Variants in EIF3G observed in about 807,000 individuals in gnomAD.
EIF3G encodes the protein eukaryotic translation initiation factor 3 subunit G.
Under a neutral mutation model 41.7 loss-of-function variants are expected in EIF3G, and 10 were observed. That is an observed-to-expected ratio of 0.24 (90% CI 0.15 to 0.41). The LOEUF (loss-of-function observed/expected upper bound fraction) is 0.41. Ranked by LOEUF, EIF3G falls within the 10% of genes least tolerant of loss-of-function variation. The pLI, the probability that EIF3G is intolerant of heterozygous loss-of-function variation, is 1.00. For synonymous variants in EIF3G, 204 were observed against 172.5 expected, an observed-to-expected ratio of 1.18 and a Z score of -1.43; for missense variants, 297 against 444.0, an observed-to-expected ratio of 0.67 and a Z score of 2.98.
Position 10,117,189 on chromosome 19 carries a change from C to A in EIF3G, c.301-1G>T. The A allele has an allele frequency of 6.2e-7, 1 of 1,605,842 alleles. No individual in the cohort carries two copies. The highest frequency in any genetic ancestry group is 8.5e-7 in the Non-Finnish European group (1 of 1,175,970). ...CTGAGTTCCCGAACTTCTTCCAGTT[C>A]TGGGCTCAGGGAGGGATGGGGGACA... On this transcript the variant is annotated splice_acceptor_variant, in intron 5 of 10. Coordinates refer to ENST00000253108, the MANE Select transcript of EIF3G (RefSeq NM_003755.5). LOFTEE classifies it high-confidence loss of function.
At chr19:10,115,299 C>A (rs2089222200) in intron 10 of EIF3G, 170 bp from the exon 11 acceptor site, 4 of 1,112,588 alleles carry the variant, frequency 3.6e-6, no homozygotes, top group Non-Finnish European at 3.8e-6. Context: ...CTGGCAGGGA[C>A]CCCAGGCACA....
In EIF3G at chr19:10,116,523, C is replaced by T. The variant is rs1329179803; in HGVS notation, c.595+277G>A. The T allele has an allele frequency of 1.2e-5, 6 of 515,698 alleles. No individual in the cohort carries two copies. Among genetic ancestry groups the T allele is most frequent in the East Asian group, 6.2e-5 (2 of 32,054 alleles). The allele number at this position is 515,698 out of a possible 1,614,324, so 31.9% of individuals were successfully genotyped here. Reference sequence around the variant, plus strand: ...AGACACTATACACACAGTGCGCACACACGATGTGGGGTGGTCAGCACCCTG... The same window carrying T: ...AGACACTATACACACAGTGCGCACATACGATGTGGGGTGGTCAGCACCCTG... On this transcript the variant is annotated intron_variant, in intron 7 of 10. Transcript: ENST00000253108. The surrounding 1 kb of genome is among the most constrained non-coding windows in gnomAD (Gnocchi z 4.1).
In EIF3G at chr19:10,117,076, C is replaced by G; in HGVS notation, c.405+8G>C. On this transcript the variant is annotated splice_region_variant and intron_variant, in intron 6 of 10. Transcript: ENST00000253108. ...AGGATGCCAGCCCCACCTGATTGCCCCGCTTACCTCTTTGCTGGTGATGAA... is the reference window on the plus strand; with the variant it reads ...AGGATGCCAGCCCCACCTGATTGCCGCGCTTACCTCTTTGCTGGTGATGAA... 1 of 1,612,514 alleles carries G rather than the reference C, an allele frequency of 6.2e-7. No homozygotes were observed. Among genetic ancestry groups the G allele is most frequent in the African/African-American group, 1.3e-5 (1 of 74,984 alleles).
chr19:10,119,653 C>A lies in EIF3G; in HGVS notation c.67+1G>T. On this transcript the variant is annotated splice_donor_variant, in intron 2 of 10. Coordinates refer to ENST00000253108, the MANE Select transcript of EIF3G (RefSeq NM_003755.5). LOFTEE classifies it high-confidence loss of function. Reference sequence around the variant, plus strand: ...TACCCCGGGCGACCGTGTACACTTACCGTCCTCCCCCTCCTCCTCCACCTG... The same window carrying A: ...TACCCCGGGCGACCGTGTACACTTAACGTCCTCCCCCTCCTCCTCCACCTG... 1 of 1,571,368 alleles carries A rather than the reference C, an allele frequency of 6.4e-7. No homozygotes were observed. Among genetic ancestry groups the A allele is most frequent in the Non-Finnish European group, 8.6e-7 (1 of 1,156,848 alleles).
rs753414953 is a variant in EIF3G, at chr19:10,115,667, C to G, written c.840+17G>C. 9.3e-5 allele frequency: 49 copies of G among 529,558 alleles called. No homozygotes were observed. In the Middle Eastern group the frequency reaches 1.7e-3, roughly 18 times the overall value. 32.8% of individuals were successfully genotyped at this position (529,558 alleles called of 1,614,324 possible). A position where few individuals can be genotyped will look rare whatever the true frequency, so the allele number is the denominator to read the frequency against. ...GTGACCCTCACACAGCCCCACCGTG[C>G]CTGCCTGCCTGCCCACCTTGGATTG... On this transcript the variant is annotated intron_variant, in intron 9 of 10. Transcript: ENST00000253108.
chr19:10,115,904 G>C (rs368114638), intron 8 of EIF3G, 63 bp downstream of exon 8: 1 of 1,605,094 alleles, frequency 6.2e-7, no homozygotes, highest in Non-Finnish European at 8.5e-7. Flanking sequence ...TGCACGCTTC[G>C]GGGATAATTA....
intron 5 of EIF3G, chr19:10,117,503 C>A (rs922687982): frequency 1.0e-5 from 3 of 295,672 alleles, no homozygotes; most frequent in Non-Finnish European, 1.9e-5. Flanking sequence ...TCCACCTAGA[C>A]CTCCGGGCCC....
intron 3 of EIF3G, 33 bp from the exon 4 acceptor site, chr19:10,118,989 G>C: frequency 6.2e-7 from 1 of 1,613,956 alleles, no homozygotes; most frequent in Non-Finnish European, 8.5e-7. Context: ...GAAAGACTGA[G>C]CCCTGGGTCA....
rs888697172 is a variant in EIF3G, at chr19:10,115,998, G to T, written c.672C>A (p.Arg224=). 1 of 1,613,654 alleles carries T rather than the reference G, an allele frequency of 6.2e-7. No homozygotes were observed. The highest frequency in any genetic ancestry group is 1.3e-5 in the African/African-American group (1 of 75,068). ...VPPSLRDGAS[R]RGESMQPNRR... ...GGTTGGGCTGCATGGACTCCCCGCG[G>T]CGGCTGGCCCCGTCGCGCAGGCTCG... Residue 224 remains arginine, a synonymous_variant, in exon 8 of 11, where the codon CGC becomes CGA. Transcript: ENST00000253108.
At chr19:10,119,525 A>C in intron 2 of EIF3G, 129 bp downstream of exon 2, 1 of 1,268,420 alleles carries the variant, frequency 7.9e-7, no homozygotes, top group Non-Finnish European at 1.1e-6. Context: ...GGCGGGTCCC[A>C]AGGAGGATGG....
At position 10,116,815 on chromosome 19, in the gene EIF3G, C is replaced by T; in HGVS notation, c.580G>A (p.Glu194Lys). 1 of 1,593,336 alleles carries T rather than the reference C, an allele frequency of 6.3e-7. No individual in the cohort carries two copies. Among genetic ancestry groups the T allele is most frequent in the Non-Finnish European group, 8.6e-7 (1 of 1,167,100 alleles). ...ACCCCCACACCTCCCGGCAGCTTCT[C>T]CTTCTCGCCAGTAGACAGGCCCAGC... Reference protein sequence around the residue: ...EQLGLSTGEKEKLPGELEPVQ... With the variant: ...EQLGLSTGEKKKLPGELEPVQ... Residue 194 changes from glutamate (E) to lysine (K), a missense_variant, in exon 7 of 11, where the codon GAG becomes AAG. This residue lies in a region of EIF3G where 33 missense variants were observed against 30.3 expected (regional missense o/e 1.09). Transcript: ENST00000253108. The surrounding 1 kb of genome is among the most constrained non-coding windows in gnomAD (Gnocchi z 4.1).
In EIF3G at chr19:10,115,862, G is replaced by GC. The variant is rs904468043; in HGVS notation, c.704-43dup. 4.4e-6 allele frequency: 7 copies of GC among 1,582,970 alleles called. No homozygotes were observed. The African/African-American group carries it at 1.1e-4, about 24-fold the overall frequency. On this transcript the variant is annotated intron_variant, in intron 8 of 10. Coordinates refer to ENST00000253108, the MANE Select transcript of EIF3G (RefSeq NM_003755.5). ...AGGTGGCTGTGAGGGGGAGGACACT[G>GC]CCCAGCCCTCGTGTGCTGCCCAGCC...
At chr19:10,117,821 G>A (rs374595821) in intron 5 of EIF3G, among the ~76,000 whole-genome samples, 13 of 152,306 alleles carry the variant, frequency 8.5e-5, no homozygotes, top group South Asian at 8.3e-4. Flanking sequence ...TTTGAGAGGC[G>A]AAGGTGGGAG....
At chr19:10,115,343 AAAC>A in intron 10 of EIF3G, 133 bp downstream of exon 10, 4 of 1,206,100 alleles carry the variant, frequency 3.3e-6, no homozygotes, top group East Asian at 2.5e-5. Flanking sequence ...TTTTGGAAAA[AAAC>A]AATAAAGGAC....
chr19:10,116,732 TG>T lies in EIF3G; in HGVS notation c.595+67del, dbSNP rs1270660406. On this transcript the variant is annotated intron_variant, in intron 7 of 10. Coordinates refer to ENST00000253108, the MANE Select transcript of EIF3G (RefSeq NM_003755.5). The surrounding 1 kb of genome is among the most constrained non-coding windows in gnomAD (Gnocchi z 4.1). The stretch of plus-strand genomic sequence containing the variant: ...ACCCGCTGCACTGTCGTGCGGGAGA[TG>T]ACAGCACGAAGGCAGCAGTGGGGAC... 3 of 1,451,702 alleles carry T rather than the reference TG, an allele frequency of 2.1e-6. No individual in the cohort carries two copies. In the African/African-American group the frequency reaches 4.2e-5, roughly 20 times the overall value. The allele number at this position is 1,451,702 out of a possible 1,614,324, so 89.9% of individuals were successfully genotyped here.
In EIF3G at chr19:10,116,362, A is replaced by G; in HGVS notation, c.596-288T>C. The G allele has an allele frequency of 1.9e-6, 1 of 540,224 alleles. No homozygotes were observed. Among genetic ancestry groups the G allele is most frequent in the Non-Finnish European group, 3.3e-6 (1 of 300,956 alleles). The allele number at this position is 540,224 out of a possible 1,614,324, so 33.5% of individuals were successfully genotyped here. On this transcript the variant is annotated intron_variant, in intron 7 of 10. Coordinates refer to ENST00000253108, the MANE Select transcript of EIF3G (RefSeq NM_003755.5). This position sits in a 1 kb window ranked among gnomAD's most constrained non-coding sequence, Gnocchi z 4.1. ...AGCCTCACATGCACAGCAACGGCAG[A>G]CATGGGACACACAACAGGAACAGCG...
intron 8 of EIF3G, 33 bp from the exon 9 acceptor site, chr19:10,115,853 G>A (rs374215335): frequency 1.2e-6 from 2 of 1,607,734 alleles, no homozygotes; most frequent in East Asian, 2.2e-5. Context: ...CTGTGAGGGG[G>A]AGGACACTGC....
Position 10,116,495 on chromosome 19 carries a change from CG to C in EIF3G, c.595+304del. The C allele has an allele frequency of 2.0e-6, 1 of 494,242 alleles. No homozygotes were observed. The highest frequency in any genetic ancestry group is 3.6e-6 in the Non-Finnish European group (1 of 275,730). 30.6% of individuals were successfully genotyped at this position (494,242 alleles called of 1,614,324 possible). ...GGACGGTACAGCCACAGGCATGCAA[CG>C]GAGACACTATACACACAGTGCGCAC... On this transcript the variant is annotated intron_variant, in intron 7 of 10. Coordinates refer to ENST00000253108, the MANE Select transcript of EIF3G (RefSeq NM_003755.5). The surrounding 1 kb of genome is among the most constrained non-coding windows in gnomAD (Gnocchi z 4.1).
chr19:10,115,024 G>A lies in EIF3G; in HGVS notation c.*90C>T, dbSNP rs938476079. On this transcript the variant is annotated 3_prime_UTR_variant, in exon 11 of 11. Coordinates refer to ENST00000253108, the MANE Select transcript of EIF3G (RefSeq NM_003755.5). ...ACAAAAAGAACCAAGTAGAGAGAGT[G>A]GAGCTGCTTTATTGCCCTTGGAGCC... 1.0e-5 allele frequency: 16 copies of A among 1,574,418 alleles called. No individual in the cohort carries two copies. Among genetic ancestry groups the A allele is most frequent in the African/African-American group, 5.4e-5 (4 of 74,354 alleles).
Sources: allele counts gnomAD v4.1 joint callset (sites outside exome capture counted in the v4.1 genomes callset), GRCh38; gene constraint gnomAD v4.1.1; regional missense constraint gnomAD v4.1.1; non-coding constraint Gnocchi (gnomAD v3.1); transcripts MANE v1.5; gene names NCBI Gene and HGNC (gene_info 2026-07-23, HGNC 2026-07-21).